The following COL28A1 variants were observed in gnomAD, a reference collection of about 807,000 sequenced individuals.
COL28A1 encodes collagen type XXVIII alpha 1 chain.
In COL28A1, 161 loss-of-function variants were observed where a neutral mutation model predicts 150.2. The ratio of observed to expected loss-of-function variants is 1.07; its 90% confidence interval spans 0.94 to 1.22. COL28A1 has a LOEUF of 1.22. Among genes scored for constraint, COL28A1 ranks in the 50% most tolerant of loss-of-function variants. COL28A1 has a pLI of 0.00. For missense variants in COL28A1, 1,617 were observed against 1,388.3 expected (o/e 1.16, Z -2.62); for synonymous variants, 552 against 469.7 (o/e 1.18, Z -2.26).
At chr7:7,393,104 C>T (rs1024789295) in intron 27 of COL28A1, among the ~76,000 whole-genome samples, 2 of 152,100 alleles carry the variant, frequency 1.3e-5, no homozygotes, top group African/African-American at 4.8e-5. Flanking sequence ...ATTTATCTAC[C>T]TTTGTTCTTT....
intron 27 of COL28A1, among the ~76,000 whole-genome samples, chr7:7,386,629 A>T (rs1211295111): frequency 6.6e-6 from 1 of 152,192 alleles, no homozygotes; most frequent in Non-Finnish European, 1.5e-5. Context: ...GGATAGCAGG[A>T]GGGGATAGGA....
intron 8 of COL28A1, among the ~76,000 whole-genome samples, chr7:7,513,656 G>A (rs1386409470): frequency 6.6e-6 from 1 of 152,154 alleles, no homozygotes; most frequent in Non-Finnish European, 1.5e-5. Flanking sequence ...TTTTGGATGG[G>A]AATAAAATGA....
intron 6 of COL28A1, among the ~76,000 whole-genome samples, chr7:7,518,963 G>T (rs1052314960): frequency 6.6e-6 from 1 of 152,062 alleles, no homozygotes; most frequent in East Asian, 1.9e-4. Context: ...AATTAACTCA[G>T]TGTACTGTAG....
chr7:7,397,236 C>A (rs1782888650), intron 27 of COL28A1, among the ~76,000 whole-genome samples: 1 of 152,198 alleles, frequency 6.6e-6, no homozygotes, highest in Non-Finnish European at 1.5e-5. Context: ...CACCTGTATT[C>A]AACAGTTTTC....
At chr7:7,454,496 T>G (rs1786979696) in intron 16 of COL28A1, among the ~76,000 whole-genome samples, 1 of 152,144 alleles carries the variant, frequency 6.6e-6, no homozygotes, top group African/African-American at 2.4e-5. Flanking sequence ...CGAAATTTTT[T>G]TTTCTTTACA....
chr7:7,397,720 T>C (rs934396014), intron 27 of COL28A1, among the ~76,000 whole-genome samples: 1 of 152,214 alleles, frequency 6.6e-6, no homozygotes, highest in Non-Finnish European at 1.5e-5. Context: ...AAACAATTTA[T>C]CTTTGATGAA....
chr7:7,429,426 T>A (rs550304337), intron 25 of COL28A1, among the ~76,000 whole-genome samples: 5 of 119,386 alleles, frequency 4.2e-5, no homozygotes, highest in South Asian at 3.0e-4. Flanking sequence ...TCTCTCTCTC[T>A]CACATACACA....
At chr7:7,366,091 T>G (rs557743361) in intron 33 of COL28A1, among the ~76,000 whole-genome samples, 2 of 152,296 alleles carry the variant, frequency 1.3e-5, no homozygotes, top group Non-Finnish European at 2.9e-5. Flanking sequence ...CTTTACCCAG[T>G]AAACATTTTT....
the COL28A1 span, among the ~76,000 whole-genome samples, chr7:7,348,100 A>T: frequency 6.6e-6 from 1 of 152,132 alleles, no homozygotes; most frequent in Non-Finnish European, 1.5e-5. Flanking sequence ...TCTAATTGAC[A>T]GGACTCAGTG....
intron 33 of COL28A1, among the ~76,000 whole-genome samples, chr7:7,362,250 A>T (rs865919370): frequency 6.6e-6 from 1 of 151,688 alleles, no homozygotes; most frequent in Non-Finnish European, 1.5e-5. Context: ...GAATAATTAT[A>T]TTCTTTTGCA....
At chr7:7,516,272 A>T (rs1562886454) in intron 7 of COL28A1, among the ~76,000 whole-genome samples, 1 of 152,244 alleles carries the variant, frequency 6.6e-6, no homozygotes, top group Non-Finnish European at 1.5e-5. Context: ...AGCTGAGATA[A>T]TGGCCTTTAA....
chr7:7,432,982 C>T (rs1052545140), intron 23 of COL28A1, among the ~76,000 whole-genome samples: 8 of 151,824 alleles, frequency 5.3e-5, no homozygotes, highest in African/African-American at 1.9e-4. Flanking sequence ...CCTATTGTTG[C>T]GTTAAATCTA....
the COL28A1 span, among the ~76,000 whole-genome samples, chr7:7,348,862 C>G: frequency 1.3e-5 from 2 of 152,078 alleles, no homozygotes; most frequent in Non-Finnish European, 2.9e-5. Flanking sequence ...TCTGTCTCAG[C>G]TTCTCCAGTA....
At chr7:7,344,961 CA>C in the COL28A1 span, among the ~76,000 whole-genome samples, 40 of 149,400 alleles carry the variant, frequency 2.7e-4, no homozygotes, top group South Asian at 6.3e-4. Flanking sequence ...GGTGCACAAC[CA>C]AAAGAAAATG....
intron 15 of COL28A1, among the ~76,000 whole-genome samples, chr7:7,463,894 C>T (rs1239641365): frequency 2.0e-5 from 3 of 152,094 alleles, no homozygotes; most frequent in South Asian, 4.1e-4. Flanking sequence ...ATTCACCAAC[C>T]AATCTGCTGC....
At chr7:7,374,038 A>AAAAAATATATATATATATATATAT in intron 31 of COL28A1, among the ~76,000 whole-genome samples, 39 of 113,594 alleles carry the variant, frequency 3.4e-4, no homozygotes, top group African/African-American at 1.4e-3. Context: ...AAAAAAAAAA[A>AAAAAATATATATATATATATATAT]ATATATATAT....
At chr7:7,502,194 C>T (rs989972257) in intron 11 of COL28A1, among the ~76,000 whole-genome samples, 1 of 152,200 alleles carries the variant, frequency 6.6e-6, no homozygotes, top group African/African-American at 2.4e-5. Flanking sequence ...GCCACTGCGC[C>T]TGGCTGAGAT....
At chr7:7,350,556 C>T in the COL28A1 span, among the ~76,000 whole-genome samples, 1 of 151,454 alleles carries the variant, frequency 6.6e-6, no homozygotes, top group African/African-American at 2.4e-5. Context: ...ATATTTATTT[C>T]TTAGAAGATT....
rs986611875 is a variant in COL28A1, at chr7:7,461,899, T to A, written c.1303-5787A>T. 8.5e-5 allele frequency among the ~76,000 whole-genome samples: 13 copies of A among 152,112 alleles called. 1 individual carries two copies. The highest frequency in any genetic ancestry group is 3.1e-4 in the African/African-American group (13 of 41,394). On this transcript the variant is annotated intron_variant, in intron 15 of 34. Transcript: ENST00000399429. ...TCCCATACTACCACAACTGATGCTCTCTTGAAAACACCACCTCCCAGGAGG... is the reference window on the plus strand; with the variant it reads ...TCCCATACTACCACAACTGATGCTCACTTGAAAACACCACCTCCCAGGAGG...
Sources: gnomAD v4.1 joint callset for allele counts (sites outside exome capture counted in the v4.1 genomes callset) on GRCh38, gnomAD v4.1.1 for gene constraint, MANE v1.5 for transcripts, NCBI Gene and HGNC (gene_info 2026-07-23, HGNC 2026-07-21) for gene names.